The following RYR2 variants were observed in gnomAD, a reference collection of about 807,000 sequenced individuals.
RYR2 encodes ryanodine receptor 2.
In RYR2, 227 loss-of-function variants were observed where a neutral mutation model predicts 601.1. The observed-to-expected ratio is 0.38, with a 90% CI of 0.34 to 0.42. RYR2 has a LOEUF of 0.42. Ranked by LOEUF, RYR2 falls within the 10% of genes least tolerant of loss-of-function variation. The pLI is 1.00. For synonymous variants in RYR2, 2,223 were observed against 2,175.1 expected (o/e 1.02, Z -0.61); for missense variants, 4,646 against 6,156.5 (o/e 0.75, Z 8.21).
At chr1:237,400,154 C>A (rs1206876990) in intron 10 of RYR2, among the ~76,000 whole-genome samples, 1 of 152,124 alleles carries the variant, frequency 6.6e-6, no homozygotes, top group Non-Finnish European at 1.5e-5. Context: ...TTGTCAAACT[C>A]TTACTATAGA....
At position 237,655,469 on chromosome 1, in the gene RYR2, T is replaced by C. The variant is rs572924454; in HGVS notation, c.7966-352T>C. Among the ~76,000 whole-genome samples, 5 of 152,298 alleles carry C rather than the reference T, an allele frequency of 3.3e-5. No homozygotes were observed. In the East Asian group the frequency reaches 9.6e-4, roughly 29 times the overall value. ...TGTAGTCATTATAATGTACAGGAAT[T>C]ATCTATAACTAACTATAAGGAATGT... On this transcript the variant is annotated intron_variant, in intron 52 of 104. Transcript: ENST00000366574.
chr1:237,599,432 C>A (rs1449245380), intron 34 of RYR2, among the ~76,000 whole-genome samples: 1 of 151,570 alleles, frequency 6.6e-6, no homozygotes, highest in Non-Finnish European at 1.5e-5. Flanking sequence ...TTGCAGGATA[C>A]AAAATCAGCA....
At chr1:237,418,263 CGATCTCCT>C (rs1705212970) in intron 11 of RYR2, among the ~76,000 whole-genome samples, 2 of 152,082 alleles carry the variant, frequency 1.3e-5, no homozygotes, top group Non-Finnish European at 1.5e-5. Context: ...AGGATGGTCT[CGATCTCCT>C]GACCTCCTGA....
intron 1 of RYR2, among the ~76,000 whole-genome samples, chr1:237,224,023 A>G (rs1467678605): frequency 6.6e-6 from 1 of 152,214 alleles, no homozygotes; most frequent in Non-Finnish European, 1.5e-5. Flanking sequence ...CTAACTCATC[A>G]TGGATGATTT....
At chr1:237,779,334 T>C (rs1003901750) in intron 88 of RYR2, among the ~76,000 whole-genome samples, 1 of 152,216 alleles carries the variant, frequency 6.6e-6, no homozygotes, top group Non-Finnish European at 1.5e-5. Flanking sequence ...TTGAAAAATA[T>C]CAGCTTGTTT....
intron 16 of RYR2, among the ~76,000 whole-genome samples, chr1:237,465,709 C>T (rs368108599): frequency 5.3e-5 from 8 of 152,194 alleles, no homozygotes; most frequent in South Asian, 4.1e-4. Context: ...GCCTACTGCG[C>T]GTCTACGCTA....
intron 28 of RYR2, among the ~76,000 whole-genome samples, chr1:237,567,879 G>A (rs1672259221): frequency 6.7e-6 from 1 of 149,618 alleles, no homozygotes; most frequent in Non-Finnish European, 1.5e-5. Context: ...TGAAATTAGG[G>A]CAGTTGACCC....
intron 102 of RYR2, among the ~76,000 whole-genome samples, chr1:237,829,022 G>C (rs1663475869): frequency 6.6e-6 from 1 of 152,156 alleles, no homozygotes; most frequent in Admixed American, 6.5e-5. Context: ...TACCAAGACT[G>C]ATTTTAGGGA....
chr1:237,419,520 A>G lies in RYR2; in HGVS notation c.848+2397A>G, dbSNP rs537518434. Among the ~76,000 whole-genome samples, 8 of 152,290 alleles carry G rather than the reference A, an allele frequency of 5.3e-5. No homozygotes were observed. In the South Asian group the frequency reaches 6.2e-4, roughly 12 times the overall value. ...GATTACAGATAATCAATATATAGAAAGGAGATGATCTTATGGTCAGCCACT... is the reference window on the plus strand; with the variant it reads ...GATTACAGATAATCAATATATAGAAGGGAGATGATCTTATGGTCAGCCACT... On this transcript the variant is annotated intron_variant, in intron 11 of 104. Coordinates refer to ENST00000366574, the MANE Select transcript of RYR2 (RefSeq NM_001035.3).
At chr1:237,281,663 C>A (rs946251317) in intron 2 of RYR2, among the ~76,000 whole-genome samples, 1 of 152,244 alleles carries the variant, frequency 6.6e-6, no homozygotes, top group Non-Finnish European at 1.5e-5. Flanking sequence ...TGCAGACTCC[C>A]CCCAGATGGT....
chr1:237,487,574 A>G (rs1662831317), intron 17 of RYR2, among the ~76,000 whole-genome samples: 1 of 150,520 alleles, frequency 6.6e-6, no homozygotes, highest in African/African-American at 2.4e-5. Flanking sequence ...AAAAAAAAAA[A>G]AAGCTCAGCA....
In RYR2 at chr1:237,673,973, T is replaced by C. The variant is rs1573462393; in HGVS notation, c.8591-123T>C. Reference sequence around the variant, plus strand: ...AGGCAGTAGAGGCAGAAGAGTCTTATATGCTCTATGTATTATTAAAGGATA... The same window carrying C: ...AGGCAGTAGAGGCAGAAGAGTCTTACATGCTCTATGTATTATTAAAGGATA... On this transcript the variant is annotated intron_variant, in intron 58 of 104. Transcript: ENST00000366574. 7.4e-6 allele frequency: 5 copies of C among 678,578 alleles called. No individual in the cohort carries two copies. The East Asian group carries it at 1.0e-4, about 14-fold the overall frequency. The allele number at this position is 678,578 out of a possible 1,614,324, so 42.0% of individuals were successfully genotyped here. A position where few individuals can be genotyped will look rare whatever the true frequency, so the allele number is the denominator to read the frequency against.
chr1:237,469,020 CT>C, intron 16 of RYR2, 71 bp from the exon 17 acceptor site: 4 of 1,212,800 alleles, frequency 3.3e-6, no homozygotes, highest in Non-Finnish European at 4.9e-6. Flanking sequence ...TATTTTAGGG[CT>C]GCATATTAGC....
At chr1:237,190,944 T>G (rs902042955) in intron 1 of RYR2, among the ~76,000 whole-genome samples, 8 of 152,240 alleles carry the variant, frequency 5.3e-5, no homozygotes, top group African/African-American at 1.9e-4. Flanking sequence ...TTATTTTTGT[T>G]TTTGTGGCCT....
At chr1:237,045,037 A>G (rs564282639) in intron 1 of RYR2, among the ~76,000 whole-genome samples, 8 of 151,756 alleles carry the variant, frequency 5.3e-5, no homozygotes, top group Admixed American at 1.3e-4. Context: ...AGATGGAAGA[A>G]TTCTTGATAG....
rs538631823 is a variant in RYR2 at position 237,374,615 on chromosome 1, G to A, written c.385-102G>A. 9.9e-5 allele frequency: 89 copies of A among 898,186 alleles called. No individual in the cohort carries two copies. The African/African-American group carries it at 1.2e-3, about 12-fold the overall frequency. 55.6% of individuals were successfully genotyped at this position (898,186 alleles called of 1,614,324 possible). On this transcript the variant is annotated intron_variant, in intron 6 of 104. Transcript: ENST00000366574. ...TGAGGCTGCAGTGAGCTGTGATCAC[G>A]CCACTGCACTTCCAGCCTGAGCTAC...
intron 79 of RYR2, among the ~76,000 whole-genome samples, chr1:237,739,358 G>A (rs1691416113): frequency 6.6e-6 from 1 of 152,034 alleles, no homozygotes; most frequent in Non-Finnish European, 1.5e-5. Flanking sequence ...CTTTTTGTCT[G>A]CATCATGCCT....
At chr1:237,550,482 G>T in intron 26 of RYR2, 62 bp from the exon 27 acceptor site, 1 of 1,553,694 alleles carries the variant, frequency 6.4e-7, no homozygotes, top group Non-Finnish European at 8.7e-7. Flanking sequence ...GTATTTGGTA[G>T]CTACTTATTT....
At chr1:237,511,252 G>T (rs1665863646) in intron 23 of RYR2, among the ~76,000 whole-genome samples, 1 of 141,932 alleles carries the variant, frequency 7.0e-6, no homozygotes, top group Admixed American at 7.3e-5. Context: ...ACAGACAATA[G>T]CCCAATAACT....
Sources: gnomAD v4.1 joint callset for allele counts (sites outside exome capture counted in the v4.1 genomes callset) on GRCh38, gnomAD v4.1.1 for gene constraint, MANE v1.5 for transcripts, NCBI Gene and HGNC (gene_info 2026-07-23, HGNC 2026-07-21) for gene names.